The following ZC3HAV1 variants were observed in gnomAD, a reference collection of about 807,000 sequenced individuals.
ZC3HAV1 encodes the protein zinc finger CCCH-type containing, antiviral 1, also known as zinc finger CCCH-type antiviral protein 1.
A neutral mutation model predicts 86.6 loss-of-function variants in ZC3HAV1; 41 were observed. The ratio of observed to expected loss-of-function variants is 0.47; its 90% CI spans 0.37 to 0.61. ZC3HAV1 has a LOEUF of 0.61. Among genes scored for constraint, ZC3HAV1 ranks in the 20% least tolerant of loss-of-function variants. ZC3HAV1 has a pLI of 0.00. For missense variants in ZC3HAV1, 964 were observed against 1,141.1 expected (o/e 0.84, Z 2.24); for synonymous variants, 421 against 432.1 (o/e 0.97, Z 0.32).
rs746117074 is a variant in ZC3HAV1 at position 139,047,577 on chromosome 7, C to T, written c.*17G>A. ...CAGAATGGTTATGGCATCCTTCTGA[C>T]GCTGTATTCATCGGTTCTAACTAAT... On this transcript the variant is annotated 3_prime_UTR_variant, in exon 13 of 13. Transcript: ENST00000242351. 22 of 1,613,648 alleles carry T rather than the reference C, an allele frequency of 1.4e-5. No homozygotes were observed. Among genetic ancestry groups the T allele is most frequent in the Admixed American group, 3.3e-5 (2 of 59,896 alleles).
chr7:139,083,254 G>C (rs906408824), intron 3 of ZC3HAV1, among the ~76,000 whole-genome samples: 20 of 135,334 alleles, frequency 1.5e-4, no homozygotes, highest in Non-Finnish European at 2.9e-4. Context: ...CTGGGGGGGG[G>C]GGCAATAGTG....
At chr7:139,055,406 T>C (rs1816255542) in intron 9 of ZC3HAV1, 111 bp from the exon 10 acceptor site, 2 of 795,920 alleles carry the variant, frequency 2.5e-6, no homozygotes, top group South Asian at 3.9e-5. Context: ...ATACACAATA[T>C]TTATTTCTGT....
rs1334042655 is a variant in ZC3HAV1, at chr7:139,043,663, G to A, written c.*3931C>T. 1 of 152,142 alleles carries A rather than the reference G, an allele frequency of 6.6e-6. No homozygotes were observed. Among genetic ancestry groups the A allele is most frequent in the African/African-American group, 2.4e-5 (1 of 41,406 alleles). The allele number at this position is 152,142 out of a possible 1,614,324, so 9.4% of individuals were successfully genotyped here. A position where few individuals can be genotyped will look rare whatever the true frequency, so the allele number is the denominator to read the frequency against. The stretch of plus-strand genomic sequence containing the variant: ...TATCAGTGTACAAAGCATGCTGCTG[G>A]GCTGGGCATCAGGCGTGGCACAGCA... On this transcript the variant is annotated 3_prime_UTR_variant, in exon 13 of 13. Coordinates refer to ENST00000242351, the MANE Select transcript of ZC3HAV1 (RefSeq NM_020119.4).
In ZC3HAV1 at chr7:139,046,563, T is replaced by A. The variant is rs540829566; in HGVS notation, c.*1031A>T. ...GGGCAATTAACTCCAGTTGGTTGCTTCTCTCTGAGCCTTACTTGCCAGCTC... is the reference window on the plus strand; with the variant it reads ...GGGCAATTAACTCCAGTTGGTTGCTACTCTCTGAGCCTTACTTGCCAGCTC... On this transcript the variant is annotated 3_prime_UTR_variant, in exon 13 of 13. Coordinates refer to ENST00000242351, the MANE Select transcript of ZC3HAV1 (RefSeq NM_020119.4). 6.6e-6 allele frequency: 1 copy of A among 152,306 alleles called. No individual in the cohort carries two copies. The highest frequency in any genetic ancestry group is 1.9e-4 in the East Asian group (1 of 5,178). The allele number at this position is 152,306 out of a possible 1,614,324, so 9.4% of individuals were successfully genotyped here.
intron 10 of ZC3HAV1, 94 bp downstream of exon 10, chr7:139,055,111 C>G: frequency 8.9e-7 from 1 of 1,122,582 alleles, no homozygotes; most frequent in Middle Eastern, 2.1e-4. Flanking sequence ...TTTGCGGGAG[C>G]AATTCATTCA....
At chr7:139,060,576 C>T (rs1051148612) in intron 9 of ZC3HAV1, 62 of 1,007,228 alleles carry the variant, frequency 6.2e-5, no homozygotes, top group Non-Finnish European at 6.4e-5. Context: ...CACGGTGGCT[C>T]ATGCCTGTAA....
rs774149099 is a variant in ZC3HAV1 at position 139,109,002 on chromosome 7, C to T, written c.308+22G>A. ...CCCCGACCACGGCTGCGGACAGCGC[C>T]CCTCCCTCCGGGTGCACTCACCGCT... On this transcript the variant is annotated intron_variant, in intron 1 of 12. Transcript: ENST00000242351. 16 of 1,525,856 alleles carry T rather than the reference C, an allele frequency of 1.0e-5. No homozygotes were observed. The African/African-American group carries it at 1.4e-4, about 13-fold the overall frequency. The allele number at this position is 1,525,856 out of a possible 1,614,324, so 94.5% of individuals were successfully genotyped here.
In ZC3HAV1 at chr7:139,053,827, G is replaced by GAAAA. The variant is rs34548487; in HGVS notation, c.2318+134_2318+137dup. ...AGAGAGAAGCCAGAGTTGATAGAATGAAAAAAAAAAAAAAAGACTAGCGCC... is the reference window on the plus strand; with the variant it reads ...AGAGAGAAGCCAGAGTTGATAGAATGAAAAAAAAAAAAAAAAAAAGACTAGCGCC... On this transcript the variant is annotated intron_variant, in intron 11 of 12. Transcript: ENST00000242351. 922 of 818,010 alleles carry GAAAA rather than the reference G, an allele frequency of 1.1e-3. 1 individual carries two copies. Among genetic ancestry groups the GAAAA allele is most frequent in the South Asian group, 1.4e-3 (56 of 40,940 alleles). The allele number at this position is 818,010 out of a possible 1,614,324, so 50.7% of individuals were successfully genotyped here.
chr7:139,060,560 G>C, intron 9 of ZC3HAV1: 1 of 1,002,048 alleles, frequency 1.0e-6, no homozygotes, highest in Non-Finnish European at 1.2e-6. Flanking sequence ...CCACAGCAAA[G>C]CCAGGCACGG....
At position 139,044,115 on chromosome 7, in the gene ZC3HAV1, CGA is replaced by C. The variant is rs1410004457; in HGVS notation, c.*3477_*3478del. The C allele has an allele frequency of 1.3e-5, 2 of 152,200 alleles. No homozygotes were observed. Among genetic ancestry groups the C allele is most frequent in the African/African-American group, 2.4e-5 (1 of 41,450 alleles). The allele number at this position is 152,200 out of a possible 1,614,324, so 9.4% of individuals were successfully genotyped here. ...ATTTAGGTAGGACCTACAGCTTGTC[CGA>C]GAGAGTAACTCATTTGTTTTCTCTG... On this transcript the variant is annotated 3_prime_UTR_variant, in exon 13 of 13. Coordinates refer to ENST00000242351, the MANE Select transcript of ZC3HAV1 (RefSeq NM_020119.4).
rs559653092 is a variant in ZC3HAV1, at chr7:139,100,732, A to G, written c.308+8292T>C. ...GGAAAACAATTTGGCATTATCACAT[A>G]AAACTTTAAGAATCAAAATTCCACT... On this transcript the variant is annotated intron_variant, in intron 1 of 12. Transcript: ENST00000242351. Among the ~76,000 whole-genome samples, 9 of 151,756 alleles carry G rather than the reference A, an allele frequency of 5.9e-5. No homozygotes were observed. In the South Asian group the frequency reaches 1.9e-3, roughly 32 times the overall value.
At position 139,045,551 on chromosome 7, in the gene ZC3HAV1, G is replaced by C. The variant is rs1320256228; in HGVS notation, c.*2043C>G. 1 of 152,210 alleles carries C rather than the reference G, an allele frequency of 6.6e-6. No individual in the cohort carries two copies. The highest frequency in any genetic ancestry group is 1.5e-5 in the Non-Finnish European group (1 of 68,048). 9.4% of individuals were successfully genotyped at this position (152,210 alleles called of 1,614,324 possible). ...TAGAAACTGCTTAGATGTTTATCAG[G>C]AGGGAGAGGAAGGAGTCAAAGATGA... On this transcript the variant is annotated 3_prime_UTR_variant, in exon 13 of 13. Transcript: ENST00000242351.
At chr7:139,100,347 T>C (rs901888623) in intron 1 of ZC3HAV1, among the ~76,000 whole-genome samples, 1 of 150,920 alleles carries the variant, frequency 6.6e-6, no homozygotes, top group African/African-American at 2.4e-5. Flanking sequence ...CTAGCGAACA[T>C]GGTGAAACCC....
intron 7 of ZC3HAV1, among the ~76,000 whole-genome samples, chr7:139,073,324 A>T (rs1006121525): frequency 7.9e-5 from 12 of 151,976 alleles, no homozygotes; most frequent in Non-Finnish European, 1.2e-4. Flanking sequence ...AAATAAAAAT[A>T]AAAATTAATA....
chr7:139,072,285 A>G (rs575637816), intron 7 of ZC3HAV1, among the ~76,000 whole-genome samples: 16 of 152,104 alleles, frequency 1.1e-4, no homozygotes, highest in Middle Eastern at 3.4e-3. Flanking sequence ...TGCAGGTTCA[A>G]GCGATTCTCC....
chr7:139,099,076 AT>A (rs1416340218), intron 1 of ZC3HAV1, among the ~76,000 whole-genome samples: 1 of 152,208 alleles, frequency 6.6e-6, no homozygotes, highest in Non-Finnish European at 1.5e-5. Flanking sequence ...ACTATTTAAG[AT>A]TTTATCATGG....
Position 139,045,837 on chromosome 7 carries a change from T to G in ZC3HAV1, c.*1757A>C, listed in dbSNP as rs915288508. The stretch of plus-strand genomic sequence containing the variant: ...AAAACGAAAGTTACCATGAAAGAAA[T>G]AAGTCAATGAGAATAAGCATTTGTA... On this transcript the variant is annotated 3_prime_UTR_variant, in exon 13 of 13. Coordinates refer to ENST00000242351, the MANE Select transcript of ZC3HAV1 (RefSeq NM_020119.4). 7 of 145,910 alleles carry G rather than the reference T, an allele frequency of 4.8e-5. No individual in the cohort carries two copies. In the Admixed American group the frequency reaches 4.9e-4, roughly 10 times the overall value. 9.0% of individuals were successfully genotyped at this position (145,910 alleles called of 1,614,324 possible).
intron 3 of ZC3HAV1, 32 bp downstream of exon 3, chr7:139,083,748 G>A: frequency 1.3e-6 from 2 of 1,484,508 alleles, no homozygotes; most frequent in Non-Finnish European, 1.8e-6. Flanking sequence ...AAAAAAAAGA[G>A]TTCACACAAT....
intron 7 of ZC3HAV1, among the ~76,000 whole-genome samples, chr7:139,068,732 A>G (rs1460498791): frequency 2.6e-5 from 4 of 152,156 alleles, no homozygotes; most frequent in Non-Finnish European, 5.9e-5. Context: ...CTCACACTGC[A>G]CTTGTCATGT....
Sources: allele counts gnomAD v4.1 joint callset (sites outside exome capture counted in the v4.1 genomes callset), GRCh38; gene constraint gnomAD v4.1.1; transcripts MANE v1.5; gene names NCBI Gene and HGNC (gene_info 2026-07-23, HGNC 2026-07-21).